The following RAD54B variants were observed in gnomAD, a reference collection of about 807,000 sequenced individuals.
RAD54B encodes RAD54 homolog B, also known as DNA repair and recombination protein RAD54B.
Under a neutral mutation model 95.8 loss-of-function variants are expected in RAD54B, and 78 were observed. The observed-to-expected ratio is 0.81, with a 90% CI of 0.68 to 0.98. The LOEUF (loss-of-function observed/expected upper bound fraction) is 0.98, where lower values mean the gene tolerates loss of function less well. RAD54B is among the 50% of genes least tolerant of loss of function. RAD54B has a pLI of 0.00. For synonymous variants in RAD54B, 328 were observed against 354.9 expected (o/e 0.92, Z 0.85); for missense variants, 957 against 1,056.6 (o/e 0.91, Z 1.31).
Position 94,407,473 on chromosome 8 carries a change from T to A in RAD54B, c.747A>T (p.Gln249His). Residue 249 changes from glutamine (Q) to histidine (H), a missense_variant, in exon 5 of 15, where the codon CAA becomes CAT. Physicochemically the swap from Gln to His is conservative, Grantham distance 24. Transcript: ENST00000336148. The part of the protein sequence containing the change: ...SSKENRQNDF[Q>H]NCKPRHDPYT... ...ATGGGTCATGGCGTGGTTTGCAATTTTGGAAATCATTCTGTCTATTTTCCT... is the reference window on the plus strand; with the variant it reads ...ATGGGTCATGGCGTGGTTTGCAATTATGGAAATCATTCTGTCTATTTTCCT... The A allele has an allele frequency of 6.2e-7, 1 of 1,613,742 alleles. No homozygotes were observed. Among genetic ancestry groups the A allele is most frequent in the Non-Finnish European group, 8.5e-7 (1 of 1,179,700 alleles).
At chr8:94,437,876 C>A (rs1043142785) in intron 3 of RAD54B, among the ~76,000 whole-genome samples, 1 of 152,162 alleles carries the variant, frequency 6.6e-6, no homozygotes, top group African/African-American at 2.4e-5. Context: ...TTGTTAACCC[C>A]AGTATGAAAA....
At chr8:94,392,862 G>C (rs1811056692) in intron 9 of RAD54B, among the ~76,000 whole-genome samples, 1 of 146,036 alleles carries the variant, frequency 6.8e-6, no homozygotes, top group Non-Finnish European at 1.5e-5. Context: ...TTTTGAGATG[G>C]AGTTTCACTC....
intron 3 of RAD54B, among the ~76,000 whole-genome samples, chr8:94,452,245 A>G (rs745343262): frequency 6.6e-6 from 1 of 152,214 alleles, no homozygotes; most frequent in East Asian, 1.9e-4. Context: ...AGGTTTCTAC[A>G]TATGAATTTT....
chr8:94,385,795 G>A (rs1810876186), intron 11 of RAD54B, among the ~76,000 whole-genome samples: 1 of 152,226 alleles, frequency 6.6e-6, no homozygotes, highest in South Asian at 2.1e-4. Context: ...AGAAGCAGAG[G>A]TAAGCCAGCC....
At chr8:94,375,894 G>C (rs1252811959) in intron 14 of RAD54B, among the ~76,000 whole-genome samples, 1 of 152,130 alleles carries the variant, frequency 6.6e-6, no homozygotes, top group Non-Finnish European at 1.5e-5. Context: ...TAGAAGGCTA[G>C]AAATTAGGGA....
At chr8:94,391,450 G>T (rs556995963) in intron 10 of RAD54B, among the ~76,000 whole-genome samples, 159 bp downstream of exon 10, 345 of 148,330 alleles carry the variant, frequency 2.3e-3, no homozygotes, top group Non-Finnish European at 3.8e-3. Flanking sequence ...ACAAATGAAA[G>T]GCTGGATAAG....
In RAD54B at chr8:94,411,075, T is replaced by C. The variant is rs373748598; in HGVS notation, c.499+46A>G. 6.4e-6 allele frequency: 9 copies of C among 1,407,038 alleles called. No homozygotes were observed. In the African/African-American group the frequency reaches 1.3e-4, roughly 20 times the overall value. 87.2% of individuals were successfully genotyped at this position (1,407,038 alleles called of 1,614,324 possible). A position where few individuals can be genotyped will look rare whatever the true frequency, so the allele number is the denominator to read the frequency against. ...TTTCAATTATGTAACCGGAGATACA[T>C]ACTAATTTCAGGCCAAACTGTAAAC... On this transcript the variant is annotated intron_variant, in intron 4 of 14. Coordinates refer to ENST00000336148, the MANE Select transcript of RAD54B (RefSeq NM_012415.3).
chr8:94,429,550 C>T, intron 3 of RAD54B: 1 of 983,210 alleles, frequency 1.0e-6, no homozygotes, highest in South Asian at 4.7e-5. Context: ...AAGTGAATTA[C>T]ATCTCATATA....
intron 5 of RAD54B, 83 bp from the exon 6 acceptor site, chr8:94,404,322 G>A (rs1037474160): frequency 8.8e-5 from 112 of 1,278,964 alleles, no homozygotes; most frequent in Non-Finnish European, 1.1e-4. Context: ...CCCTAAGATA[G>A]AAATGTTTGC....
intron 11 of RAD54B, among the ~76,000 whole-genome samples, chr8:94,383,925 G>A (rs118093598): frequency 0.014 from 2,185 of 152,234 alleles, 27 homozygotes; most frequent in Middle Eastern, 0.024. Flanking sequence ...ACTGTTGGTG[G>A]AAATGAAAAT....
intron 10 of RAD54B, among the ~76,000 whole-genome samples, chr8:94,388,734 G>T (rs1217931862): frequency 6.6e-6 from 1 of 152,168 alleles, no homozygotes; most frequent in Non-Finnish European, 1.5e-5. Context: ...TTTAGGTGTA[G>T]TCATTTGATT....
chr8:94,442,576 GAAAAAAAAA>G (rs531694623), intron 3 of RAD54B, among the ~76,000 whole-genome samples: 1 of 45,636 alleles, frequency 2.2e-5, no homozygotes. Context: ...CTCTGTCTCA[GAAAAAAAAA>G]AAAAAAAAAA....
intron 3 of RAD54B, among the ~76,000 whole-genome samples, chr8:94,449,637 G>GTC (rs1189460208): frequency 6.6e-6 from 1 of 151,434 alleles, no homozygotes; most frequent in African/African-American, 2.4e-5. Context: ...GAAGGAAATG[G>GTC]TCTATACTCT....
At chr8:94,468,441 G>A (rs971271344) in intron 1 of RAD54B, among the ~76,000 whole-genome samples, 5 of 152,006 alleles carry the variant, frequency 3.3e-5, no homozygotes, top group African/African-American at 1.2e-4. Context: ...CGGCGTGGTG[G>A]TTCATGCCTG....
At chr8:94,443,203 A>G (rs966540750) in intron 3 of RAD54B, among the ~76,000 whole-genome samples, 2 of 152,182 alleles carry the variant, frequency 1.3e-5, no homozygotes, top group Non-Finnish European at 2.9e-5. Context: ...CATTATCCTC[A>G]GCCAACTAAT....
chr8:94,418,141 T>C (rs1811719498), intron 3 of RAD54B, among the ~76,000 whole-genome samples: 1 of 152,146 alleles, frequency 6.6e-6, no homozygotes, highest in Non-Finnish European at 1.5e-5. Context: ...TAGTGGATAG[T>C]TTTTTACCCT....
chr8:94,407,059 A>C (rs1198442089), intron 5 of RAD54B, among the ~76,000 whole-genome samples: 1 of 152,202 alleles, frequency 6.6e-6, no homozygotes, highest in African/African-American at 2.4e-5. Context: ...ATCAAGGCAT[A>C]CAGTCCTCAA....
intron 3 of RAD54B, chr8:94,430,246 G>C: frequency 1.3e-6 from 1 of 793,420 alleles, no homozygotes; most frequent in African/African-American, 1.9e-5. Flanking sequence ...AGGAAACGGA[G>C]ATTGCAGTGA....
chr8:94,375,166 CTA>C (rs1368974034), intron 14 of RAD54B, among the ~76,000 whole-genome samples: 19 of 152,266 alleles, frequency 1.2e-4, no homozygotes, highest in African/African-American at 4.3e-4. Context: ...CTCAGCAATA[CTA>C]AAAATTTACC....
Sources: gnomAD v4.1 joint callset for allele counts (sites outside exome capture counted in the v4.1 genomes callset) on GRCh38, gnomAD v4.1.1 for gene constraint, MANE v1.5 for transcripts, NCBI Gene and HGNC (gene_info 2026-07-23, HGNC 2026-07-21) for gene names.